FCER1A: variants seen among roughly 807,000 people sequenced by gnomAD.
The protein encoded by FCER1A is high affinity immunoglobulin epsilon receptor subunit alpha.
FCER1A carries 24 observed loss-of-function variants against 23.6 expected under a neutral mutation model. The ratio of observed to expected loss-of-function variants is 1.02; its 90% CI spans 0.74 to 1.43. FCER1A has a LOEUF of 1.43. Ranked by LOEUF, FCER1A falls within the 40% of genes most tolerant of loss-of-function variation. The pLI, the probability that FCER1A is intolerant of heterozygous loss-of-function variation, is 0.00. For synonymous variants in FCER1A, 121 were observed against 108.8 expected, an observed-to-expected ratio of 1.11 and a Z score of -0.70; for missense variants, 318 against 294.5, an observed-to-expected ratio of 1.08 and a Z score of -0.58.
chr1:159,298,868 C>T (rs1314558808), upstream of FCER1A, among the ~76,000 whole-genome samples: 1 of 152,160 alleles, frequency 6.6e-6, no homozygotes, highest in Non-Finnish European at 1.5e-5. Context: ...GGTTATGGAA[C>T]CCTTGAATCC....
rs1652671473 is a variant in FCER1A at position 159,308,055 on chromosome 1, G to T, written c.*123G>T. 3.0e-6 allele frequency: 2 copies of T among 658,700 alleles called. No homozygotes were observed. The highest frequency in any genetic ancestry group is 4.9e-6 in the Non-Finnish European group (2 of 408,434). 40.8% of individuals were successfully genotyped at this position (658,700 alleles called of 1,614,324 possible). A position where few individuals can be genotyped will look rare whatever the true frequency, so the allele number is the denominator to read the frequency against. On this transcript the variant is annotated 3_prime_UTR_variant, in exon 5 of 5. Transcript: ENST00000693622. ...TCTGTGCTCAAGGATTTATAGAAAT[G>T]CTTCATTAAACTGAGTGAAACTGGT...
At chr1:159,306,751 T>C (rs892227357) in intron 4 of FCER1A, among the ~76,000 whole-genome samples, 2 of 152,088 alleles carry the variant, frequency 1.3e-5, no homozygotes, top group African/African-American at 2.4e-5. Context: ...GGACTTGATA[T>C]GGAGAGGGTA....
chr1:159,303,443 CT>C (rs3835722), intron 2 of FCER1A, among the ~76,000 whole-genome samples: 21,277 of 152,164 alleles, frequency 0.14, 1,887 homozygotes, highest in Non-Finnish European at 0.19. Flanking sequence ...TCTGTATATA[CT>C]TACAATTAAA....
At position 159,306,080 on chromosome 1, in the gene FCER1A, A is replaced by C. The variant is rs1354496185; in HGVS notation, c.424A>C (p.Lys142Gln). ...CHGWRNWDVY[K>Q]VIYYKDGEAL... is the part of the protein sequence containing the mutation. ...TGGTTGGAGGAACTGGGATGTGTACAAGGTGATCTATTATAAGGATGGTGA... is the reference window on the plus strand; with the variant it reads ...TGGTTGGAGGAACTGGGATGTGTACCAGGTGATCTATTATAAGGATGGTGA... Residue 142 changes from lysine (K) to glutamine (Q), a missense_variant, in exon 4 of 5, where the codon AAG becomes CAG. Transcript: ENST00000693622. 2 of 1,614,164 alleles carry C rather than the reference A, an allele frequency of 1.2e-6. No individual in the cohort carries two copies. Among genetic ancestry groups the C allele is most frequent in the Non-Finnish European group, 1.7e-6 (2 of 1,180,014 alleles).
At chr1:159,293,549 C>G (rs1652214001) in intron 1 of FCER1A, among the ~76,000 whole-genome samples, 5 of 109,408 alleles carry the variant, frequency 4.6e-5, no homozygotes, top group African/African-American at 1.4e-4. Context: ...CCCCCTCCCC[C>G]CACCCCACAA....
chr1:159,295,759 T>C lies in FCER1A; in HGVS notation c.-60+6006T>C, dbSNP rs77478142. ...ATTCCATGTTTCTCTGGCCCTTTTT[T>C]CTTCTTCAGAATTTAGCAGTGGTTT... On this transcript the variant is annotated intron_variant, in intron 1 of 5. Coordinates refer to the FCER1A transcript ENST00000368115. 5.3e-3 allele frequency among the ~76,000 whole-genome samples: 806 copies of C among 152,302 alleles called. 24 individuals are homozygous for C. The East Asian group carries it at 0.072, about 14-fold the overall frequency.
upstream of FCER1A, among the ~76,000 whole-genome samples, chr1:159,286,855 A>C (rs552217601): frequency 6.6e-6 from 1 of 152,258 alleles, no homozygotes; most frequent in Non-Finnish European, 1.5e-5. Context: ...GACTACAAAT[A>C]GTCATAATCC....
At chr1:159,295,387 A>T (rs1652271939) in intron 1 of FCER1A, among the ~76,000 whole-genome samples, 1 of 152,186 alleles carries the variant, frequency 6.6e-6, no homozygotes, top group Non-Finnish European at 1.5e-5. Flanking sequence ...GGAAATGCAG[A>T]TGTTGAAATA....
rs2102229390 is a variant in FCER1A at position 159,302,893 on chromosome 1, T to C, written c.76+19T>C. ...TTAGCAGGTGAGTCCTCTGTTCTTG[T>C]TCCCTTGGTGTTTCAACATGTCTGG... On this transcript the variant is annotated intron_variant, in intron 2 of 4. Coordinates refer to ENST00000693622, the MANE Select transcript of FCER1A (RefSeq NM_001387280.1). The C allele has an allele frequency of 1.2e-6, 2 of 1,612,310 alleles. No individual in the cohort carries two copies. Among genetic ancestry groups the C allele is most frequent in the South Asian group, 2.2e-5 (2 of 91,046 alleles).
At chr1:159,285,534 T>C (rs965088793), upstream of FCER1A, among the ~76,000 whole-genome samples, 2 of 151,690 alleles carry the variant, frequency 1.3e-5, no homozygotes, top group Non-Finnish European at 2.9e-5. Flanking sequence ...TTAAACTATA[T>C]ATAAAAACAC....
intron 1 of FCER1A, among the ~76,000 whole-genome samples, chr1:159,294,017 A>G (rs112740231): frequency 0.059 from 9,025 of 152,108 alleles, 862 homozygotes; most frequent in African/African-American, 0.21. Context: ...AACCACAATG[A>G]GATACCATCT....
At chr1:159,285,132 C>G (rs1027179522), upstream of FCER1A, among the ~76,000 whole-genome samples, 1 of 152,114 alleles carries the variant, frequency 6.6e-6, no homozygotes, top group African/African-American at 2.4e-5. Flanking sequence ...TTCTGTGTTA[C>G]AAGATGTTTA....
intron 2 of FCER1A, 59 bp from the exon 3 acceptor site, chr1:159,303,869 C>T: frequency 4.4e-6 from 6 of 1,356,332 alleles, no homozygotes; most frequent in Non-Finnish European, 6.2e-6. Context: ...TAAGCCTAGA[C>T]AGTTTTCAAT....
chr1:159,295,312 C>A (rs1371895585), intron 1 of FCER1A, among the ~76,000 whole-genome samples: 2 of 152,034 alleles, frequency 1.3e-5, no homozygotes, highest in Non-Finnish European at 2.9e-5. Flanking sequence ...AACCCTCATT[C>A]ATAGGTGCAG....
chr1:159,287,900 TA>T (rs1652057455), upstream of FCER1A, among the ~76,000 whole-genome samples: 3 of 151,896 alleles, frequency 2.0e-5, no homozygotes, highest in African/African-American at 7.2e-5. Context: ...TTTGCCTCTC[TA>T]ATAAATACAT....
At chr1:159,301,354 C>T (rs570690981), upstream of FCER1A, among the ~76,000 whole-genome samples, 1 of 152,022 alleles carries the variant, frequency 6.6e-6, no homozygotes, top group Non-Finnish European at 1.5e-5. Context: ...GAGCCTTGAC[C>T]TAGAGCAAAA....
At chr1:159,294,444 A>C (rs1403490617) in intron 1 of FCER1A, among the ~76,000 whole-genome samples, 1 of 152,192 alleles carries the variant, frequency 6.6e-6, no homozygotes, top group East Asian at 1.9e-4. Flanking sequence ...CTCTACTTAA[A>C]AGTCATTTTT....
chr1:159,289,687 T>A (rs1364053432), upstream of FCER1A: 1 of 152,170 alleles, frequency 6.6e-6, no homozygotes, highest in Admixed American at 6.5e-5. Flanking sequence ...ATCAATTTAA[T>A]TTTATCTTCT....
intron 1 of FCER1A, among the ~76,000 whole-genome samples, chr1:159,292,608 C>T (rs746364581): frequency 3.9e-5 from 6 of 152,020 alleles, no homozygotes; most frequent in African/African-American, 7.2e-5. Flanking sequence ...GATTACATGA[C>T]GACATACCTA....
Sources: allele counts gnomAD v4.1 joint callset (sites outside exome capture counted in the v4.1 genomes callset), GRCh38; gene constraint gnomAD v4.1.1; transcripts MANE v1.5; gene names NCBI Gene and HGNC (gene_info 2026-07-23, HGNC 2026-07-21).